The following TASP1 variants were observed in gnomAD, a reference collection of about 807,000 sequenced individuals.
TASP1 encodes threonine aspartase 1.
Under a neutral mutation model 56.6 loss-of-function variants are expected in TASP1, and 16 were observed. The ratio of observed to expected loss-of-function variants is 0.28; its 90% CI spans 0.19 to 0.43. TASP1 has a LOEUF of 0.43. Ranked by LOEUF, TASP1 falls within the 20% of genes least tolerant of loss-of-function variation. The pLI is 1.00. For missense variants in TASP1, 393 were observed against 511.6 expected (o/e 0.77, Z 2.24); for synonymous variants, 179 against 184.2 (o/e 0.97, Z 0.23).
chr20:13,402,830 C>A (rs532593927), intron 13 of TASP1, among the ~76,000 whole-genome samples: 135 of 152,314 alleles, frequency 8.9e-4, no homozygotes, highest in Non-Finnish European at 1.7e-3. Context: ...GTCAATACAT[C>A]CTGTAGGTGT....
At chr20:13,568,860 G>A (rs2046620948) in intron 7 of TASP1, among the ~76,000 whole-genome samples, 1 of 152,030 alleles carries the variant, frequency 6.6e-6, no homozygotes, top group Non-Finnish European at 1.5e-5. Context: ...CACTTACCAG[G>A]AGTAATATGT....
chr20:13,426,433 AAAT>A (rs1456181729), intron 12 of TASP1, among the ~76,000 whole-genome samples: 2 of 152,186 alleles, frequency 1.3e-5, no homozygotes, highest in South Asian at 2.1e-4. Flanking sequence ...GTGAGCCAAA[AAAT>A]AATATTTCTT....
intron 11 of TASP1, among the ~76,000 whole-genome samples, chr20:13,469,657 G>C (rs969998534): frequency 2.6e-5 from 4 of 152,010 alleles, no homozygotes; most frequent in African/African-American, 9.7e-5. Flanking sequence ...GTTAACTTCT[G>C]GGTTCTTTGG....
At chr20:13,538,391 T>A (rs2045493851) in intron 8 of TASP1, among the ~76,000 whole-genome samples, 1 of 152,134 alleles carries the variant, frequency 6.6e-6, no homozygotes, top group African/African-American at 2.4e-5. Flanking sequence ...TAAGAATATA[T>A]CTTAAATGTA....
intron 12 of TASP1, among the ~76,000 whole-genome samples, chr20:13,432,013 C>A (rs2146167527): frequency 6.6e-6 from 1 of 152,256 alleles, no homozygotes; most frequent in South Asian, 2.1e-4. Context: ...TTACAAACTA[C>A]TCAGATATTC....
At chr20:13,431,951 T>A (rs1211027962) in intron 12 of TASP1, among the ~76,000 whole-genome samples, 1 of 152,214 alleles carries the variant, frequency 6.6e-6, no homozygotes. Context: ...ATGCAGCCCC[T>A]TGGCCTTGGA....
At chr20:13,467,131 T>C (rs1276056759) in intron 11 of TASP1, among the ~76,000 whole-genome samples, 1 of 151,844 alleles carries the variant, frequency 6.6e-6, no homozygotes, top group Non-Finnish European at 1.5e-5. Context: ...TATTAACATT[T>C]TGCTACATTT....
the TASP1 span, among the ~76,000 whole-genome samples, chr20:13,326,801 T>C: frequency 6.6e-6 from 1 of 152,158 alleles, no homozygotes; most frequent in African/African-American, 2.4e-5. Context: ...TAGGTATTGC[T>C]GAAACATACC....
chr20:13,105,700 C>T, the TASP1 span, among the ~76,000 whole-genome samples: 4 of 152,240 alleles, frequency 2.6e-5, no homozygotes, highest in Admixed American at 6.5e-5. Context: ...ATTCCAGTGT[C>T]GTCGGAGCCA....
At chr20:13,191,776 TG>T in the TASP1 span, among the ~76,000 whole-genome samples, 1 of 152,210 alleles carries the variant, frequency 6.6e-6, no homozygotes, top group South Asian at 2.1e-4. Context: ...GATAAATGTT[TG>T]GGGTGATGGA....
chr20:13,474,481 T>C (rs930885093), intron 11 of TASP1, among the ~76,000 whole-genome samples: 2 of 152,344 alleles, frequency 1.3e-5, no homozygotes, highest in South Asian at 2.1e-4. Flanking sequence ...CTTTTTATGG[T>C]TGAATAGTAT....
chr20:13,405,243 C>T (rs1244420341), intron 13 of TASP1, among the ~76,000 whole-genome samples: 1 of 151,964 alleles, frequency 6.6e-6, no homozygotes, highest in Non-Finnish European at 1.5e-5. Flanking sequence ...TACTTGAAGG[C>T]CAAGAGTAAA....
chr20:13,211,889 A>G, the TASP1 span, among the ~76,000 whole-genome samples: 2 of 152,148 alleles, frequency 1.3e-5, no homozygotes, highest in East Asian at 1.9e-4. Context: ...ATAAGTACAT[A>G]AGTAACGCCC....
intron 10 of TASP1, among the ~76,000 whole-genome samples, chr20:13,509,415 T>C (rs2044247990): frequency 1.3e-5 from 2 of 152,126 alleles, no homozygotes; most frequent in East Asian, 1.9e-4. Context: ...GGAGGATTAA[T>C]GTATTAGCAT....
chr20:13,623,464 T>C lies in TASP1; in HGVS notation c.264A>G (p.Ala88=). Residue 88 remains alanine, a synonymous_variant, in exon 4 of 14, where the codon GCA becomes GCG. Coordinates refer to ENST00000337743, the MANE Select transcript of TASP1 (RefSeq NM_017714.3). ...GAAATACCTCAAGTTCCACCAGTGC[T>C]GCAGTGACTGCGTCAGTTGCAAGAG... ...AGALATDAVT[A]ALVELEDSPF... 1 of 1,608,996 alleles carries C rather than the reference T, an allele frequency of 6.2e-7. No homozygotes were observed. The highest frequency in any genetic ancestry group is 8.5e-7 in the Non-Finnish European group (1 of 1,175,728).
chr20:13,565,633 C>T (rs913329568), intron 7 of TASP1, among the ~76,000 whole-genome samples: 1 of 152,072 alleles, frequency 6.6e-6, no homozygotes, highest in Non-Finnish European at 1.5e-5. Flanking sequence ...ATCAAAATCA[C>T]AATGAAATAC....
intron 10 of TASP1, among the ~76,000 whole-genome samples, chr20:13,511,184 A>G (rs901703586): frequency 5.9e-5 from 9 of 152,012 alleles, no homozygotes; most frequent in African/African-American, 1.9e-4. Flanking sequence ...CTAGGAAAAA[A>G]AAAAAAACTA....
rs993102014 is a variant in TASP1 at position 13,615,477 on chromosome 20, G to A, written c.282+7969C>T. ...GAAAGAAAGAGAGAGAGGAGAGCAA[G>A]ATTTAGAATCTTGATGAGAATCTGG... On this transcript the variant is annotated intron_variant, in intron 4 of 13. Transcript: ENST00000337743. Among the ~76,000 whole-genome samples the A allele has an allele frequency of 4.1e-4, 62 of 149,796 alleles. 1 individual carries two copies. The highest frequency in any genetic ancestry group is 1.5e-3 in the African/African-American group (60 of 40,818).
At chr20:13,588,332 G>A (rs933936096) in intron 4 of TASP1, among the ~76,000 whole-genome samples, 1 of 150,788 alleles carries the variant, frequency 6.6e-6, no homozygotes, top group Non-Finnish European at 1.5e-5. Flanking sequence ...AAGGAAGGAA[G>A]GAAGGAAGGA....
Sources: gnomAD v4.1 joint callset for allele counts (sites outside exome capture counted in the v4.1 genomes callset) on GRCh38, gnomAD v4.1.1 for gene constraint, MANE v1.5 for transcripts, NCBI Gene and HGNC (gene_info 2026-07-23, HGNC 2026-07-21) for gene names.